The following PARVA variants were observed in gnomAD, a reference collection of about 807,000 sequenced individuals.
PARVA encodes alpha-parvin.
Under a neutral mutation model 52.6 loss-of-function variants are expected in PARVA, and 25 were observed. That is an observed-to-expected ratio of 0.48 (90% CI 0.35 to 0.66). PARVA has a LOEUF of 0.66. PARVA is among the 30% of genes least tolerant of loss of function. The pLI, the probability that PARVA is intolerant of heterozygous loss-of-function variation, is 0.01. For missense variants in PARVA, 373 were observed against 450.9 expected (o/e 0.83, Z 1.56); for synonymous variants, 185 against 179.1 (o/e 1.03, Z -0.26).
chr11:12,504,338 C>T lies in PARVA; in HGVS notation c.566C>T (p.Ala189Val). ...GCTGTTCATGCCAAGAGCCTGGTGG[C>T]CATCTTACACCTGCTCGTTGCTCTG... is the stretch of plus-strand genomic sequence containing the variant. Reference protein sequence around the residue: ...VDSVHAKSLVAILHLLVALSQ... With the variant: ...VDSVHAKSLVVILHLLVALSQ... Residue 189 changes from alanine (A) to valine (V), a missense_variant, in exon 6 of 13, where the codon GCC (alanine) becomes GTC (valine). Transcript: ENST00000334956. 1 of 1,611,782 alleles carries T rather than the reference C, an allele frequency of 6.2e-7. No homozygotes were observed. Among genetic ancestry groups the T allele is most frequent in the South Asian group, 1.1e-5 (1 of 90,990 alleles).
At chr11:12,482,687 T>G (rs10734199) in intron 4 of PARVA, among the ~76,000 whole-genome samples, 1 of 151,514 alleles carries the variant, frequency 6.6e-6, no homozygotes, top group Admixed American at 6.6e-5. Flanking sequence ...GGTGAGGCCT[T>G]GCAATCATGG....
chr11:12,429,708 A>G (rs1184328070), intron 1 of PARVA, among the ~76,000 whole-genome samples: 1 of 152,152 alleles, frequency 6.6e-6, no homozygotes, highest in Non-Finnish European at 1.5e-5. Context: ...TCATCTTTGT[A>G]TCTATTAACC....
intron 1 of PARVA, among the ~76,000 whole-genome samples, chr11:12,392,283 T>A (rs79538287): frequency 1.4e-5 from 2 of 146,324 alleles, no homozygotes; most frequent in African/African-American, 2.6e-5. Context: ...TTTTTTTTTT[T>A]CCTGAGACGG....
chr11:12,408,781 T>C (rs1211951312), intron 1 of PARVA, among the ~76,000 whole-genome samples: 1 of 152,114 alleles, frequency 6.6e-6, no homozygotes, highest in African/African-American at 2.4e-5. Flanking sequence ...ATAAAACAAA[T>C]AATGATAATT....
At chr11:12,487,883 GTC>G (rs1409581519) in intron 4 of PARVA, among the ~76,000 whole-genome samples, 1 of 152,142 alleles carries the variant, frequency 6.6e-6, no homozygotes, top group Non-Finnish European at 1.5e-5. Flanking sequence ...ATAATAAACT[GTC>G]TCTATGAATG....
At position 12,406,661 on chromosome 11, in the gene PARVA, G is replaced by GTTTTTTTTTTTTTTTT. The variant is rs571973101; in HGVS notation, c.136+28890_136+28905dup. ...ATTGTTAGCTATTTAGGTTGTATCT[G>GTTTTTTTTTTTTTTTT]TTTTTTTTTTTTTTTTTTTTTTTTT... is the stretch of plus-strand genomic sequence containing the variant. On this transcript the variant is annotated intron_variant, in intron 1 of 12. Coordinates refer to ENST00000334956, the MANE Select transcript of PARVA (RefSeq NM_018222.5). 1.0e-3 allele frequency among the ~76,000 whole-genome samples: 81 copies of GTTTTTTTTTTTTTTTT among 77,790 alleles called. 8 individuals carry two copies. The highest frequency in any genetic ancestry group is 1.8e-3 in the African/African-American group (33 of 18,482). The allele number at this position is 77,790 out of a possible 152,430, so 51.0% of individuals were successfully genotyped here.
At chr11:12,408,150 G>A (rs1001556195) in intron 1 of PARVA, among the ~76,000 whole-genome samples, 7 of 150,130 alleles carry the variant, frequency 4.7e-5, no homozygotes, top group Non-Finnish European at 8.9e-5. Context: ...CCCCCACCCC[G>A]ACCTGGCCCT....
intron 1 of PARVA, among the ~76,000 whole-genome samples, chr11:12,444,971 G>A (rs1438765754): frequency 6.6e-6 from 1 of 152,176 alleles, no homozygotes; most frequent in Non-Finnish European, 1.5e-5. Context: ...ATAAAGAAGG[G>A]GCTGGCAAAG....
chr11:12,402,574 T>C (rs1262349741), intron 1 of PARVA, among the ~76,000 whole-genome samples: 1 of 152,232 alleles, frequency 6.6e-6, no homozygotes, highest in African/African-American at 2.4e-5. Flanking sequence ...GCCTAAGCTT[T>C]TTCTGTCTTG....
At chr11:12,517,241 C>T (rs1003421204) in intron 10 of PARVA, among the ~76,000 whole-genome samples, 1 of 152,052 alleles carries the variant, frequency 6.6e-6, no homozygotes, top group African/African-American at 2.4e-5. Flanking sequence ...AGCAGCTGTG[C>T]CTTGCCCCCA....
At position 12,443,212 on chromosome 11, in the gene PARVA, G is replaced by A. The variant is rs796881704; in HGVS notation, c.137-30533G>A. Among the ~76,000 whole-genome samples the A allele has an allele frequency of 5.0e-5, 6 of 120,794 alleles. No homozygotes were observed. In the Admixed American group the frequency reaches 5.8e-4, roughly 12 times the overall value. 79.2% of individuals were successfully genotyped at this position (120,794 alleles called of 152,430 possible). A position where few individuals can be genotyped will look rare whatever the true frequency, so the allele number is the denominator to read the frequency against. On this transcript the variant is annotated intron_variant, in intron 1 of 12. Transcript: ENST00000334956. ...TTTTGAGATGGAGTCTCGCTCTGTC[G>A]TCAGGTTGGAGTGCAGTGGTGCAAT...
At chr11:12,425,297 A>G (rs1026766941) in intron 1 of PARVA, among the ~76,000 whole-genome samples, 4 of 152,218 alleles carry the variant, frequency 2.6e-5, no homozygotes, top group East Asian at 1.9e-4. Context: ...ACTAGGCAAC[A>G]TGCTGGAGGA....
intron 1 of PARVA, among the ~76,000 whole-genome samples, chr11:12,385,927 T>C (rs941856303): frequency 1.3e-5 from 2 of 152,224 alleles, no homozygotes. Context: ...TTATTCCCCA[T>C]GTCTAATCAT....
intron 1 of PARVA, among the ~76,000 whole-genome samples, chr11:12,423,117 G>T (rs1450575031): frequency 6.6e-6 from 1 of 151,632 alleles, no homozygotes; most frequent in Non-Finnish European, 1.5e-5. Flanking sequence ...GCCTCTCAAA[G>T]TGCTGGGATT....
chr11:12,424,496 A>C (rs952338081), intron 1 of PARVA, among the ~76,000 whole-genome samples: 1 of 152,172 alleles, frequency 6.6e-6, no homozygotes, highest in African/African-American at 2.4e-5. Flanking sequence ...TTCAAATTTA[A>C]ATAAATTTAA....
At chr11:12,407,380 T>C (rs1012990451) in intron 1 of PARVA, among the ~76,000 whole-genome samples, 3 of 152,228 alleles carry the variant, frequency 2.0e-5, no homozygotes, top group Admixed American at 2.0e-4. Context: ...GAACTGATGC[T>C]AGGGAAAGCC....
intron 1 of PARVA, among the ~76,000 whole-genome samples, chr11:12,457,540 C>A (rs569755672): frequency 6.6e-6 from 1 of 152,344 alleles, no homozygotes; most frequent in Non-Finnish European, 1.5e-5. Context: ...GTTCCTCAGC[C>A]TTCCCCATTC....
chr11:12,518,559 C>G (rs1941599491), intron 12 of PARVA, 42 bp downstream of exon 12: 1 of 1,383,638 alleles, frequency 7.2e-7, no homozygotes, highest in African/African-American at 1.4e-5. Flanking sequence ...AGAGTGAGAC[C>G]CTCTCCCTGC....
chr11:12,377,309 T>C (rs1939404987), upstream of PARVA: 1 of 742,744 alleles, frequency 1.3e-6, no homozygotes, highest in Admixed American at 4.3e-5. Context: ...GGACAGAGCC[T>C]GGGTAAATGA....
Sources: gnomAD v4.1 joint callset for allele counts (sites outside exome capture counted in the v4.1 genomes callset) on GRCh38, gnomAD v4.1.1 for gene constraint, MANE v1.5 for transcripts, NCBI Gene and HGNC (gene_info 2026-07-23, HGNC 2026-07-21) for gene names.